CCDC146: variants seen among roughly 807,000 people sequenced by gnomAD.
CCDC146 encodes coiled-coil domain containing 146.
A neutral mutation model predicts 119.3 loss-of-function variants in CCDC146; 92 were observed. That is an observed-to-expected ratio of 0.77 (90% CI 0.65 to 0.92). The LOEUF (loss-of-function observed/expected upper bound fraction) is 0.92. Among genes scored for constraint, CCDC146 ranks in the 40% least tolerant of loss-of-function variants. The pLI, the probability that CCDC146 is intolerant of heterozygous loss-of-function variation, is 0.00. For missense variants in CCDC146, 1,000 were observed against 1,103.0 expected (o/e 0.91, Z 1.32); for synonymous variants, 372 against 371.8 (o/e 1.00, Z -0.01).
intron 4 of CCDC146, among the ~76,000 whole-genome samples, chr7:77,252,367 G>GTTTAAT: frequency 6.6e-6 from 1 of 152,090 alleles, no homozygotes; most frequent in Non-Finnish European, 1.5e-5. Context: ...AAAGAAATAT[G>GTTTAAT]TTCCAAATGC....
chr7:77,166,701 G>A (rs1313017148), intron 1 of CCDC146, among the ~76,000 whole-genome samples: 1 of 151,976 alleles, frequency 6.6e-6, no homozygotes, highest in African/African-American at 2.4e-5. Flanking sequence ...TATTTTATAA[G>A]TAATAAATTT....
chr7:77,292,616 C>CAAA (rs61250624), intron 17 of CCDC146, among the ~76,000 whole-genome samples: 8 of 90,002 alleles, frequency 8.9e-5, no homozygotes, highest in East Asian at 4.2e-4. Context: ...GACTCAGTCT[C>CAAA]AAAAAAAAAA....
chr7:77,161,615 C>T lies in CCDC146; in HGVS notation c.-11-6043C>T, dbSNP rs1050814285. 9.6e-5 allele frequency among the ~76,000 whole-genome samples: 12 copies of T among 124,826 alleles called. No homozygotes were observed. The South Asian group carries it at 1.5e-3, about 16-fold the overall frequency. The allele number at this position is 124,826 out of a possible 152,430, so 81.9% of individuals were successfully genotyped here. Reference sequence around the variant, plus strand: ...GAACACATGGACCCAGGAAGGGGAACGTCACACTCTGGGGACTGTTGTGGG... The same window carrying T: ...GAACACATGGACCCAGGAAGGGGAATGTCACACTCTGGGGACTGTTGTGGG... On this transcript the variant is annotated intron_variant, in intron 1 of 18. Transcript: ENST00000285871.
At chr7:77,186,061 A>G (rs933565278) in intron 2 of CCDC146, among the ~76,000 whole-genome samples, 1 of 152,194 alleles carries the variant, frequency 6.6e-6, no homozygotes, top group Non-Finnish European at 1.5e-5. Context: ...AATTAGCACA[A>G]CCACTATGGA....
At chr7:77,257,978 G>C (rs1462554629) in intron 6 of CCDC146, 1 of 152,216 alleles carries the variant, frequency 6.6e-6, no homozygotes, top group Non-Finnish European at 1.5e-5. Context: ...CCCAGAAACA[G>C]ACCCTAAGAC....
intron 1 of CCDC146, among the ~76,000 whole-genome samples, chr7:77,159,897 C>T (rs71217110): frequency 4.6e-5 from 7 of 151,690 alleles, no homozygotes; most frequent in African/African-American, 1.2e-4. Context: ...TTTTTATGGT[C>T]TTAGGTCTAA....
At chr7:77,235,388 G>A (rs951679236) in intron 2 of CCDC146, among the ~76,000 whole-genome samples, 4 of 152,176 alleles carry the variant, frequency 2.6e-5, no homozygotes, top group Non-Finnish European at 5.9e-5. Flanking sequence ...GCTGAGACAT[G>A]AAGAAAGACT....
At chr7:77,122,811 AC>A in intron 1 of CCDC146, 79 bp downstream of exon 1, 1 of 154,328 alleles carries the variant, frequency 6.5e-6, no homozygotes, top group East Asian at 1.9e-4. Flanking sequence ...TCCAAGCTTC[AC>A]TAACCTAGTG....
In CCDC146 at chr7:77,272,007, A is replaced by C. The variant is rs1793533508; in HGVS notation, c.1174-1687A>C. ...GCTGAGCATGAGGACAGCCCACTCC[A>C]GGCACACCTGTAGCAGAGAATCAGA... On this transcript the variant is annotated intron_variant, in intron 9 of 18. Transcript: ENST00000285871. 2.0e-5 allele frequency among the ~76,000 whole-genome samples: 3 copies of C among 152,252 alleles called. No homozygotes were observed. In the South Asian group the frequency reaches 6.2e-4, roughly 32 times the overall value.
Position 77,274,644 on chromosome 7 carries a change from A to C in CCDC146, c.1432A>C (p.Lys478Gln). Residue 478 changes from lysine to glutamine, a missense_variant, in exon 11 of 19, where the codon AAA becomes CAA. Physicochemically the swap from Lys to Gln is moderately conservative, Grantham distance 53 (BLOSUM62 1). Transcript: ENST00000285871. ...GGAACAAAAGTCCAAGGATTTCCTG[A>C]AAGCTCAGGTAACTGCATTTTTTTA... ...EKEQKSKDFL[K>Q]AQQKYTNIVK... 1.2e-6 allele frequency: 2 copies of C among 1,608,202 alleles called. No homozygotes were observed. The highest frequency in any genetic ancestry group is 1.7e-6 in the Non-Finnish European group (2 of 1,178,308).
chr7:77,224,685 G>A (rs1395460362), intron 2 of CCDC146, among the ~76,000 whole-genome samples: 1 of 152,192 alleles, frequency 6.6e-6, no homozygotes. Context: ...TTTGGAGAAG[G>A]CGGCAGCTAC....
At chr7:77,139,450 T>A (rs918943930) in intron 1 of CCDC146, among the ~76,000 whole-genome samples, 7 of 152,236 alleles carry the variant, frequency 4.6e-5, no homozygotes, top group Non-Finnish European at 8.8e-5. Flanking sequence ...ATACCTGTCA[T>A]TATACATTTG....
chr7:77,229,884 A>G (rs1363282506), intron 2 of CCDC146, among the ~76,000 whole-genome samples: 2 of 152,330 alleles, frequency 1.3e-5, no homozygotes, highest in East Asian at 3.9e-4. Flanking sequence ...TTGTATAATC[A>G]TGGCATAATT....
At chr7:77,237,988 T>A (rs557409753) in intron 3 of CCDC146, among the ~76,000 whole-genome samples, 42 of 152,248 alleles carry the variant, frequency 2.8e-4, no homozygotes, top group African/African-American at 9.6e-4. Flanking sequence ...CTCCCCGCAA[T>A]TCCCAATCAC....
intron 18 of CCDC146, among the ~76,000 whole-genome samples, chr7:77,294,192 G>T (rs75714123): frequency 0.023 from 3,500 of 152,270 alleles, 60 homozygotes; most frequent in Non-Finnish European, 0.03. Context: ...GCTCACCAAT[G>T]ACTTACCAAA....
intron 9 of CCDC146, among the ~76,000 whole-genome samples, chr7:77,262,733 C>G (rs1793324433): frequency 6.6e-6 from 1 of 152,210 alleles, no homozygotes. Flanking sequence ...GCCTGCACTT[C>G]CGACTAGCCA....
intron 1 of CCDC146, among the ~76,000 whole-genome samples, chr7:77,150,076 T>C (rs1035113088): frequency 3.3e-5 from 5 of 151,472 alleles, no homozygotes. Context: ...ACTATAAGAG[T>C]TAAAACTATA....
At chr7:77,261,083 T>G (rs1303352136) in intron 8 of CCDC146, among the ~76,000 whole-genome samples, 2 of 152,192 alleles carry the variant, frequency 1.3e-5, no homozygotes, top group Non-Finnish European at 2.9e-5. Context: ...AATTTATGAT[T>G]CCAACATGAG....
intron 9 of CCDC146, among the ~76,000 whole-genome samples, chr7:77,267,058 G>C (rs1793419480): frequency 6.7e-6 from 1 of 149,928 alleles, no homozygotes; most frequent in Admixed American, 6.7e-5. Context: ...GTGGCACCGT[G>C]TCGGTTCACT....
Sources: allele counts gnomAD v4.1 joint callset (sites outside exome capture counted in the v4.1 genomes callset), GRCh38; gene constraint gnomAD v4.1.1; transcripts MANE v1.5; gene names NCBI Gene and HGNC (gene_info 2026-07-23, HGNC 2026-07-21).